Variants in DOLPP1 observed in about 807,000 individuals in gnomAD.
DOLPP1 encodes the protein dolichyl pyrophosphate phosphatase 1.
Under a neutral mutation model 34.1 loss-of-function variants are expected in DOLPP1, and 15 were observed. That is an observed-to-expected ratio of 0.44 (90% confidence interval 0.29 to 0.68). The LOEUF (loss-of-function observed/expected upper bound fraction) is 0.68. DOLPP1 is among the 30% of genes least tolerant of loss of function. DOLPP1 has a pLI of 0.12. For missense variants in DOLPP1, 249 were observed against 307.1 expected (o/e 0.81, Z 1.41); for synonymous variants, 130 against 128.2 (o/e 1.01, Z -0.10).
intron 7 of DOLPP1, among the ~76,000 whole-genome samples, chr9:129,087,873 C>T (rs181902950): frequency 3.1e-4 from 47 of 151,826 alleles, no homozygotes; most frequent in Non-Finnish European, 4.4e-4. Context: ...GCTGGCCCCG[C>T]TGATCTCTCA....
At chr9:129,084,205 C>G (rs1846941051) in intron 1 of DOLPP1, among the ~76,000 whole-genome samples, 1 of 152,214 alleles carries the variant, frequency 6.6e-6, no homozygotes, top group Non-Finnish European at 1.5e-5. Flanking sequence ...GTGTGTGGCT[C>G]TCATGTGCCT....
rs190110381 is a variant in DOLPP1 at position 129,083,170 on chromosome 9, C to T, written c.77-1498C>T. 7.3e-4 allele frequency among the ~76,000 whole-genome samples: 111 copies of T among 152,188 alleles called. 3 individuals carry two copies. The East Asian group carries it at 0.017, about 23-fold the overall frequency. ...TGAGCTGGGCTGAGGGGGAACTTGT[C>T]CTAAGGGCAGTGGGAGGCCTGAGGG... On this transcript the variant is annotated intron_variant, in intron 1 of 7. Transcript: ENST00000372546.
Position 129,086,801 on chromosome 9 carries a change from G to A in DOLPP1, c.680+3G>A. On this transcript the variant is annotated splice_donor_region_variant and intron_variant, in intron 7 of 7. Transcript: ENST00000372546. The stretch of plus-strand genomic sequence containing the variant: ...ACGGTAACCCGGGCAGAAGCCAGGT[G>A]AGTTCAGGGGACAGCAGTGCTCACT... 2 of 1,613,132 alleles carry A rather than the reference G, an allele frequency of 1.2e-6. No individual in the cohort carries two copies. Among genetic ancestry groups the A allele is most frequent in the Non-Finnish European group, 1.7e-6 (2 of 1,179,762 alleles).
At position 129,081,139 on chromosome 9, in the gene DOLPP1, C is replaced by A; in HGVS notation, c.8C>A (p.Ala3Glu). 4 of 1,608,570 alleles carry A rather than the reference C, an allele frequency of 2.5e-6. No individual in the cohort carries two copies. The African/African-American group carries it at 4.0e-5, about 16-fold the overall frequency. The change falls in exon 1 of 8, where the codon GCG becomes GAG. Residue 3 changes from alanine (A) to glutamate (E), a missense_variant. By Grantham distance (107) the Ala-to-Glu change is moderately radical. Transcript: ENST00000372546. ...GCCCGGTCTCCGGGTAAGATGGCAGCGGACGGACAGTGCTCGCTCCCCGCT... is the reference window on the plus strand; with the variant it reads ...GCCCGGTCTCCGGGTAAGATGGCAGAGGACGGACAGTGCTCGCTCCCCGCT... MA[A>E]DGQCSLPASW...
rs7046961 is a variant in DOLPP1 at position 129,086,757 on chromosome 9, C to T, written c.639C>T (p.Asn213=). The change falls in exon 7 of 8, where the codon AAC becomes AAT. Residue 213 remains asparagine, a synonymous_variant. Coordinates refer to ENST00000372546, the MANE Select transcript of DOLPP1 (RefSeq NM_020438.5). ...TCCGAGACACAAGCCTCATTCCCAA[C>T]GTACTCTGGTTTGAGTACACGGTAA... ...FLIRDTSLIP[N]VLWFEYTVTR... 27,911 of 1,613,876 alleles carry T rather than the reference C, an allele frequency of 0.017. 991 individuals carry two copies. Among genetic ancestry groups the T allele is most frequent in the East Asian group, 0.14 (6,090 of 44,870 alleles).
intron 7 of DOLPP1, among the ~76,000 whole-genome samples, chr9:129,088,534 A>G (rs550921563): frequency 5.9e-5 from 9 of 152,226 alleles, no homozygotes; most frequent in African/African-American, 2.2e-4. Context: ...CTCCATCAGT[A>G]GTTCTCCTGC....
chr9:129,085,352 G>A lies in DOLPP1; in HGVS notation c.362+46G>A, dbSNP rs571946843. On this transcript the variant is annotated intron_variant, in intron 4 of 7. Coordinates refer to ENST00000372546, the MANE Select transcript of DOLPP1 (RefSeq NM_020438.5). The surrounding 1 kb of genome is among the most constrained non-coding windows in gnomAD (Gnocchi z 7.0). ...GGATGGCCCTGAACTTGCTCAGGCC[G>A]AGTTCTGCTAGGGACTCACTGCTAG... 4.3e-5 allele frequency: 68 copies of A among 1,576,002 alleles called. No individual in the cohort carries two copies. In the East Asian group the frequency reaches 5.1e-4, roughly 12 times the overall value.
intron 6 of DOLPP1, 72 bp from the exon 7 acceptor site, chr9:129,086,637 G>T: frequency 6.8e-7 from 1 of 1,481,296 alleles, no homozygotes; most frequent in Non-Finnish European, 9.4e-7. Context: ...CCGGGCAATG[G>T]TGGGGATGGC....
intron 1 of DOLPP1, among the ~76,000 whole-genome samples, chr9:129,083,737 G>C (rs10760587): frequency 0.67 from 101,905 of 152,034 alleles, 34,690 homozygotes; most frequent in South Asian, 0.73. Context: ...GTCTCATGCA[G>C]CTGTAGGAGG....
Position 129,085,366 on chromosome 9 carries a change from A to G in DOLPP1, c.362+60A>G. ...TTGCTCAGGCCGAGTTCTGCTAGGG[A>G]CTCACTGCTAGCCCTTTGGATGCCC... On this transcript the variant is annotated intron_variant, in intron 4 of 7. Coordinates refer to ENST00000372546, the MANE Select transcript of DOLPP1 (RefSeq NM_020438.5). The surrounding 1 kb of genome is among the most constrained non-coding windows in gnomAD (Gnocchi z 7.0). The G allele has an allele frequency of 3.2e-6, 5 of 1,552,596 alleles. No individual in the cohort carries two copies. The highest frequency in any genetic ancestry group is 4.4e-6 in the Non-Finnish European group (5 of 1,124,788).
In DOLPP1 at chr9:129,085,552, T is replaced by C; in HGVS notation, c.397T>C (p.Leu133=). 1.2e-6 allele frequency: 2 copies of C among 1,613,694 alleles called. No individual in the cohort carries two copies. Among genetic ancestry groups the C allele is most frequent in the Non-Finnish European group, 1.7e-6 (2 of 1,179,944 alleles). Residue 133 remains leucine (L), a synonymous_variant, in exon 5 of 8, where the codon TTG becomes CTG. Transcript: ENST00000372546. The surrounding 1 kb of genome is among the most constrained non-coding windows in gnomAD (Gnocchi z 7.0). The stretch of plus-strand genomic sequence containing the variant: ...AACAAACAACGCCAGGTTCCTGGAC[T>C]TGCTGTGGAGGCACGTGCTCTCCCT... The part of the protein sequence containing the change: ...HQTNNARFLD[L]LWRHVLSLGL...
chr9:129,083,677 C>A (rs746833892), intron 1 of DOLPP1, among the ~76,000 whole-genome samples: 51 of 152,182 alleles, frequency 3.4e-4, no homozygotes, highest in Non-Finnish European at 5.4e-4. Flanking sequence ...ATGGAAGTGT[C>A]CTGGTTGCCA....
intron 7 of DOLPP1, among the ~76,000 whole-genome samples, chr9:129,087,976 C>T (rs1278207149): frequency 6.6e-6 from 1 of 151,774 alleles, no homozygotes; most frequent in Non-Finnish European, 1.5e-5. Context: ...TGTTCTGTGC[C>T]AGGCTGTGTG....
At chr9:129,083,390 C>T (rs943235992) in intron 1 of DOLPP1, among the ~76,000 whole-genome samples, 4 of 152,110 alleles carry the variant, frequency 2.6e-5, no homozygotes. Flanking sequence ...AGGGACTCAC[C>T]CACTGTCACC....
At chr9:129,084,822 G>A in intron 2 of DOLPP1, 54 bp downstream of exon 2, 1 of 1,021,648 alleles carries the variant, frequency 9.8e-7, no homozygotes, top group Non-Finnish European at 1.3e-6. Flanking sequence ...CCCCCACCCT[G>A]CTTTGGGAAG....
In DOLPP1 at chr9:129,089,181, C is replaced by G. The variant is rs1847049862; in HGVS notation, c.*174C>G. On this transcript the variant is annotated 3_prime_UTR_variant, in exon 8 of 8. Transcript: ENST00000372546. This position sits in a 1 kb window ranked among gnomAD's most constrained non-coding sequence, Gnocchi z 4.9. ...AACAAGGTGGACCAAAGGGCTGAAC[C>G]AGCCCCTCAACCAGGACCCTGGGGG... The G allele has an allele frequency of 1.7e-6, 1 of 604,686 alleles. No homozygotes were observed. Among genetic ancestry groups the G allele is most frequent in the African/African-American group, 1.9e-5 (1 of 53,816 alleles). The allele number at this position is 604,686 out of a possible 1,614,324, so 37.5% of individuals were successfully genotyped here. A position where few individuals can be genotyped will look rare whatever the true frequency, so the allele number is the denominator to read the frequency against.
At chr9:129,088,288 G>A (rs1847032205) in intron 7 of DOLPP1, among the ~76,000 whole-genome samples, 1 of 152,080 alleles carries the variant, frequency 6.6e-6, no homozygotes, top group Non-Finnish European at 1.5e-5. Context: ...AGGCTGCCGG[G>A]GCTGGAGCCC....
chr9:129,090,013 T>C lies in DOLPP1; in HGVS notation c.*1006T>C. The C allele has an allele frequency of 6.6e-6, 1 of 152,546 alleles. No individual in the cohort carries two copies. The allele number at this position is 152,546 out of a possible 1,614,324, so 9.4% of individuals were successfully genotyped here. ...TCTGGGGTGTGGGCTCACAGATCCC[T>C]ATCAGCCTGGTTCGTGGGAGGGCTC... On this transcript the variant is annotated 3_prime_UTR_variant, in exon 8 of 8. Coordinates refer to ENST00000372546, the MANE Select transcript of DOLPP1 (RefSeq NM_020438.5).
Position 129,085,688 on chromosome 9 carries a change from AC to A in DOLPP1, c.461+76del, listed in dbSNP as rs1437452338. ...CCTGCTGGTTCCTGGTCCCTGTCGG[AC>A]CCCACCATGGACCCTAGTCCCAGAA... On this transcript the variant is annotated intron_variant, in intron 5 of 7. Coordinates refer to ENST00000372546, the MANE Select transcript of DOLPP1 (RefSeq NM_020438.5). This position sits in a 1 kb window ranked among gnomAD's most constrained non-coding sequence, Gnocchi z 7.0. The A allele has an allele frequency of 1.6e-6, 2 of 1,256,108 alleles. No homozygotes were observed. Among genetic ancestry groups the A allele is most frequent in the Non-Finnish European group, 2.2e-6 (2 of 891,560 alleles). The allele number at this position is 1,256,108 out of a possible 1,614,324, so 77.8% of individuals were successfully genotyped here. A position where few individuals can be genotyped will look rare whatever the true frequency, so the allele number is the denominator to read the frequency against.
Sources: gnomAD v4.1 joint callset for allele counts (sites outside exome capture counted in the v4.1 genomes callset) on GRCh38, gnomAD v4.1.1 for gene constraint, Gnocchi (gnomAD v3.1) non-coding constraint, MANE v1.5 for transcripts, NCBI Gene and HGNC (gene_info 2026-07-23, HGNC 2026-07-21) for gene names.